EXOC4: variants seen among roughly 807,000 people sequenced by gnomAD.
EXOC4 encodes the protein exocyst complex component 4, also known as SEC8-like 1.
A neutral mutation model predicts 107.2 loss-of-function variants in EXOC4; 71 were observed. The ratio of observed to expected loss-of-function variants is 0.66; its 90% CI spans 0.55 to 0.81. EXOC4 has a LOEUF of 0.81. Among genes scored for constraint, EXOC4 ranks in the 30% least tolerant of loss-of-function variants. The pLI, the probability that EXOC4 is intolerant of heterozygous loss-of-function variation, is 0.00. For synonymous variants in EXOC4, 456 were observed against 441.2 expected, an observed-to-expected ratio of 1.03 and a Z score of -0.42; for missense variants, 1,108 against 1,189.6, an observed-to-expected ratio of 0.93 and a Z score of 1.01.
At chr7:133,383,511 C>T (rs1362199353) in intron 7 of EXOC4, among the ~76,000 whole-genome samples, 1 of 152,042 alleles carries the variant, frequency 6.6e-6, no homozygotes, top group Non-Finnish European at 1.5e-5. Context: ...TTGTTAACTG[C>T]CATATAAATG....
At chr7:134,085,465 G>T in the EXOC4 span, among the ~76,000 whole-genome samples, 1 of 152,120 alleles carries the variant, frequency 6.6e-6, no homozygotes, top group Admixed American at 6.6e-5. Flanking sequence ...ATTTTAACTT[G>T]CACTATTCCT....
chr7:133,998,597 A>C (rs1794452264), intron 15 of EXOC4, among the ~76,000 whole-genome samples: 1 of 152,140 alleles, frequency 6.6e-6, no homozygotes, highest in Non-Finnish European at 1.5e-5. Flanking sequence ...GGACTGAAAG[A>C]ATAAGGCACA....
At chr7:133,436,059 T>TTTG (rs1563065191) in intron 7 of EXOC4, among the ~76,000 whole-genome samples, 2 of 146,604 alleles carry the variant, frequency 1.4e-5, no homozygotes, top group African/African-American at 5.3e-5. Flanking sequence ...TTTTTTTTTT[T>TTTG]TTGTTTTTTT....
At chr7:133,789,693 A>C (rs1585146923) in intron 10 of EXOC4, among the ~76,000 whole-genome samples, 1 of 152,158 alleles carries the variant, frequency 6.6e-6, no homozygotes, top group Admixed American at 6.5e-5. Context: ...TTACTAATCA[A>C]CCTGTCTATC....
chr7:133,356,702 C>A, intron 6 of EXOC4, 129 bp downstream of exon 6: 2 of 1,081,750 alleles, frequency 1.8e-6, no homozygotes, highest in Admixed American at 2.6e-5. Flanking sequence ...CCATACAGGC[C>A]AGGCGCAGTG....
At position 133,938,063 on chromosome 7, in the gene EXOC4, T is replaced by C. The variant is rs1800344687; in HGVS notation, c.2200T>C (p.Ser734Pro). 6.2e-7 allele frequency: 1 copy of C among 1,614,010 alleles called. No homozygotes were observed. The highest frequency in any genetic ancestry group is 1.3e-5 in the African/African-American group (1 of 74,984). ...GTCAGCTTTCTCCAATCTTTCTACATCCCAGAGTAAGTATCTAGTAGGAAG... is the reference window on the plus strand; with the variant it reads ...GTCAGCTTTCTCCAATCTTTCTACACCCCAGAGTAAGTATCTAGTAGGAAG... Reference protein sequence around the residue: ...TKSAFSNLSTSQMLSPAQDSH... With the variant: ...TKSAFSNLSTPQMLSPAQDSH... Residue 734 changes from serine to proline, a missense_variant, in exon 14 of 18, where the codon TCC becomes CCC. Ser to Pro is a moderately conservative substitution (Grantham distance 74). Coordinates refer to ENST00000253861, the MANE Select transcript of EXOC4 (RefSeq NM_021807.4).
At chr7:134,009,421 G>A (rs981180347) in intron 17 of EXOC4, among the ~76,000 whole-genome samples, 1 of 152,084 alleles carries the variant, frequency 6.6e-6, no homozygotes, top group Non-Finnish European at 1.5e-5. Flanking sequence ...TACTCCATTT[G>A]TTCCATTGCT....
At chr7:133,597,208 C>T (rs528152893) in intron 9 of EXOC4, among the ~76,000 whole-genome samples, 8 of 152,270 alleles carry the variant, frequency 5.3e-5, no homozygotes, top group Non-Finnish European at 1.2e-4. Flanking sequence ...CTTTCCCTTT[C>T]TTACTTACAA....
chr7:133,357,513 C>T (rs75128396), intron 6 of EXOC4, among the ~76,000 whole-genome samples: 2,930 of 152,100 alleles, frequency 0.019, 95 homozygotes, highest in African/African-American at 0.066. Context: ...ATGGAGAGTA[C>T]GGAAATTGAA....
At chr7:133,795,425 G>C (rs1365934332) in intron 10 of EXOC4, among the ~76,000 whole-genome samples, 1 of 152,172 alleles carries the variant, frequency 6.6e-6, no homozygotes, top group African/African-American at 2.4e-5. Context: ...AAGGCCCCAA[G>C]AGTATTACTC....
At position 133,722,569 on chromosome 7, in the gene EXOC4, A is replaced by G. The variant is rs1027099506; in HGVS notation, c.1514+92428A>G. 5.3e-5 allele frequency among the ~76,000 whole-genome samples: 8 copies of G among 152,202 alleles called. No individual in the cohort carries two copies. In the South Asian group the frequency reaches 1.0e-3, roughly 20 times the overall value. On this transcript the variant is annotated intron_variant, in intron 10 of 17. Coordinates refer to ENST00000253861, the MANE Select transcript of EXOC4 (RefSeq NM_021807.4). ...AATATTGAAACCCTGTCTTTGGTGT[A>G]ATACAACTGGTGTAGTAAGCAGAGG... is the stretch of plus-strand genomic sequence containing the variant.
chr7:133,288,971 A>C lies in EXOC4; in HGVS notation c.326A>C (p.Asp109Ala). 6 of 1,614,194 alleles carry C rather than the reference A, an allele frequency of 3.7e-6. No individual in the cohort carries two copies. The highest frequency in any genetic ancestry group is 5.1e-6 in the Non-Finnish European group (6 of 1,180,004). The change falls in exon 3 of 18, where the codon GAT (aspartate) becomes GCT (alanine). Residue 109 changes from aspartate to alanine, a missense_variant. Asp to Ala is a moderately radical substitution (Grantham distance 126, BLOSUM62 -2). Coordinates refer to ENST00000253861, the MANE Select transcript of EXOC4 (RefSeq NM_021807.4). Reference sequence around the variant, plus strand: ...AAGATGCTGCTGCACTGCAAACGGGATGAGCTTCGGAAACTGTGGATTGAA... The same window carrying C: ...AAGATGCTGCTGCACTGCAAACGGGCTGAGCTTCGGAAACTGTGGATTGAA... ...SCKMLLHCKR[D>A]ELRKLWIEGI... is the part of the protein sequence containing the mutation.
At chr7:133,752,318 A>G (rs1036760644) in intron 10 of EXOC4, among the ~76,000 whole-genome samples, 5 of 152,222 alleles carry the variant, frequency 3.3e-5, no homozygotes, top group African/African-American at 9.6e-5. Context: ...CGAAAAAAGC[A>G]TGGGTGCAGA....
chr7:133,906,628 T>TG (rs1192496194), intron 12 of EXOC4, among the ~76,000 whole-genome samples: 2 of 152,230 alleles, frequency 1.3e-5, no homozygotes, highest in Non-Finnish European at 2.9e-5. Flanking sequence ...TATTAAATCT[T>TG]GCAACTGCAT....
chr7:134,048,271 T>C (rs1487202367), intron 17 of EXOC4, among the ~76,000 whole-genome samples: 2 of 152,216 alleles, frequency 1.3e-5, no homozygotes, highest in Admixed American at 1.3e-4. Flanking sequence ...GCTGCATGAC[T>C]CCTAAGCCAT....
intron 7 of EXOC4, among the ~76,000 whole-genome samples, chr7:133,456,293 G>A (rs1407812883): frequency 1.3e-5 from 2 of 152,100 alleles, no homozygotes; most frequent in Non-Finnish European, 2.9e-5. Flanking sequence ...AAATATTTGG[G>A]TTTTAGTTTT....
rs2116288222 is a variant in EXOC4 at position 133,998,024 on chromosome 7, C to T, written c.2348+391C>T. Among the ~76,000 whole-genome samples, 3 of 152,220 alleles carry T rather than the reference C, an allele frequency of 2.0e-5. No individual in the cohort carries two copies. In the South Asian group the frequency reaches 6.2e-4, roughly 32 times the overall value. On this transcript the variant is annotated intron_variant, in intron 15 of 17. Transcript: ENST00000253861. ...CAATGTCAGCCACAAAGTAAGTGCT[C>T]AAAATATGGTAGCTTTGCTATTGTG...
chr7:133,310,098 G>C (rs1049113748), intron 4 of EXOC4, among the ~76,000 whole-genome samples: 1 of 152,164 alleles, frequency 6.6e-6, no homozygotes, highest in African/African-American at 2.4e-5. Context: ...GTGAAGTTTT[G>C]TTTTCGACTT....
chr7:133,624,607 T>C (rs1286420807), intron 9 of EXOC4, among the ~76,000 whole-genome samples: 2 of 152,120 alleles, frequency 1.3e-5, no homozygotes, highest in Non-Finnish European at 2.9e-5. Flanking sequence ...TTTCTTTTCT[T>C]TTTGAGGCAG....
Sources: allele counts gnomAD v4.1 joint callset (sites outside exome capture counted in the v4.1 genomes callset), GRCh38; gene constraint gnomAD v4.1.1; transcripts MANE v1.5; gene names NCBI Gene and HGNC (gene_info 2026-07-23, HGNC 2026-07-21).